The following SEMA6D variants were observed in gnomAD, a reference collection of about 807,000 sequenced individuals.
SEMA6D encodes the protein semaphorin 6D.
In SEMA6D, 35 loss-of-function variants were observed where a neutral mutation model predicts 106.6. That is an observed-to-expected ratio of 0.33 (90% CI 0.25 to 0.44). The LOEUF (loss-of-function observed/expected upper bound fraction) is 0.44, where lower values mean the gene tolerates loss of function less well. Among genes scored for constraint, SEMA6D ranks in the 20% least tolerant of loss-of-function variants. The probability of loss-of-function intolerance (pLI) is 1.00; values close to 1 mark genes in which losing one functional copy is unlikely to be tolerated. For synonymous variants in SEMA6D, 499 were observed against 487.7 expected, an observed-to-expected ratio of 1.02 and a Z score of -0.31; for missense variants, 1,185 against 1,345.9, an observed-to-expected ratio of 0.88 and a Z score of 1.87.
At chr15:47,318,104 A>G (rs1350715302) in intron 1 of SEMA6D, among the ~76,000 whole-genome samples, 1 of 146,574 alleles carries the variant, frequency 6.8e-6, no homozygotes, top group Non-Finnish European at 1.5e-5. Context: ...ACATCTTGAC[A>G]GTTGGCCCCT....
chr15:47,770,871 G>T lies in SEMA6D; in HGVS notation c.2308G>T (p.Ala770Ser). The T allele has an allele frequency of 6.2e-7, 1 of 1,613,610 alleles. No homozygotes were observed. Among genetic ancestry groups the T allele is most frequent in the African/African-American group, 1.3e-5 (1 of 74,862 alleles). The change falls in exon 19 of 19, where the codon GCT (alanine) becomes TCT (serine). Residue 770 changes from alanine (A) to serine (S), a missense_variant. By Grantham distance (99) the Ala-to-Ser change is moderately conservative (BLOSUM62 1). Around this residue, in one of 3 missense-constraint regions of SEMA6D, gnomAD observed 750 missense variants for 783.5 expected, o/e 0.96. Transcript: ENST00000536845. ...DHRGQPPELA[A>S]LPTPESTPVL... ...TCGAGGGCAACCTCCAGAGTTGGCT[G>T]CTCTTCCTACTCCTGAGTCTACACC...
chr15:47,385,045 ATT>A (rs374354563), intron 1 of SEMA6D, among the ~76,000 whole-genome samples: 38 of 94,298 alleles, frequency 4.0e-4, no homozygotes, highest in African/African-American at 5.1e-4. Flanking sequence ...CTGGACTGTA[ATT>A]TTTTTTTTTT....
In SEMA6D at chr15:47,348,712, C is replaced by G. The variant is rs1567016531; in HGVS notation, c.-238-63681C>G. ...ACACACACACACACACACACACACA[C>G]ACACACCACACACACAGAGAGAGAG... On this transcript the variant is annotated intron_variant, in intron 1 of 19. Transcript: ENST00000558014. 2.3e-3 allele frequency among the ~76,000 whole-genome samples: 201 copies of G among 86,462 alleles called. 2 individuals carry two copies. In the South Asian group the frequency reaches 0.04, roughly 17 times the overall value. The allele number at this position is 86,462 out of a possible 152,430, so 56.7% of individuals were successfully genotyped here. A position where few individuals can be genotyped will look rare whatever the true frequency, so the allele number is the denominator to read the frequency against.
chr15:47,278,492 A>C lies in SEMA6D; in HGVS notation c.-239+94074A>C, dbSNP rs200053848. Among the ~76,000 whole-genome samples, 752 of 151,850 alleles carry C rather than the reference A, an allele frequency of 5.0e-3. 21 individuals are homozygous for C. In the East Asian group the frequency reaches 0.081, roughly 16 times the overall value. On this transcript the variant is annotated intron_variant, in intron 1 of 19. Transcript: ENST00000558014. ...TTTTTCTTGTAAATTTGTTTGAGTT[A>C]TTTGTGGATTCTGGATATTAGCCCT...
chr15:47,265,844 A>G (rs1023491040), intron 1 of SEMA6D, among the ~76,000 whole-genome samples: 1 of 152,076 alleles, frequency 6.6e-6, no homozygotes. Context: ...CACAGTGTTA[A>G]TCCTCTGCTC....
intron 1 of SEMA6D, among the ~76,000 whole-genome samples, chr15:47,208,880 G>GGA (rs561370687): frequency 1.7e-3 from 258 of 152,230 alleles, no homozygotes; most frequent in African/African-American, 6.1e-3. Context: ...GATAACTAGA[G>GGA]TCCCTCATAC....
intron 1 of SEMA6D, among the ~76,000 whole-genome samples, chr15:47,299,850 A>C (rs1386971589): frequency 6.6e-6 from 1 of 152,224 alleles, no homozygotes; most frequent in East Asian, 1.9e-4. Flanking sequence ...ACTTGATGAA[A>C]AATTGCAGGC....
At chr15:47,720,084 C>A (rs975818920) in intron 1 of SEMA6D, among the ~76,000 whole-genome samples, 1 of 152,106 alleles carries the variant, frequency 6.6e-6, no homozygotes, top group Non-Finnish European at 1.5e-5. Context: ...GAATGTACTT[C>A]CAGAAAGACA....
intron 1 of SEMA6D, among the ~76,000 whole-genome samples, chr15:47,308,963 GCCAAGTCTCTTAACATCTT>G (rs2143013492): frequency 6.6e-6 from 1 of 152,262 alleles, no homozygotes; most frequent in South Asian, 2.1e-4. Flanking sequence ...ACACACAGCT[GCCAAGTCTCTTAACATCTT>G]CCAAGGTGAA....
intron 4 of SEMA6D, among the ~76,000 whole-genome samples, chr15:47,614,075 T>C (rs1011964297): frequency 6.6e-6 from 1 of 152,166 alleles, no homozygotes; most frequent in African/African-American, 2.4e-5. Context: ...CATTACAAAA[T>C]GTCAGCTACC....
intron 17 of SEMA6D, 62 bp from the exon 18 acceptor site, chr15:47,768,519 C>A: frequency 7.3e-7 from 1 of 1,364,346 alleles, no homozygotes; most frequent in Non-Finnish European, 9.9e-7. Flanking sequence ...AAAAATGCAA[C>A]AGACCAATCA....
At chr15:47,576,739 G>T (rs554552926) in intron 3 of SEMA6D, among the ~76,000 whole-genome samples, 39 of 152,256 alleles carry the variant, frequency 2.6e-4, no homozygotes, top group Non-Finnish European at 4.3e-4. Context: ...TCCAGGCCAG[G>T]TTTTCTCTGG....
chr15:47,269,522 CAA>C (rs1192975573), intron 1 of SEMA6D, among the ~76,000 whole-genome samples: 1 of 151,982 alleles, frequency 6.6e-6, no homozygotes, highest in African/African-American at 2.4e-5. Flanking sequence ...TACATTAATT[CAA>C]GAGGCTATTT....
At chr15:47,299,733 G>A (rs146932453) in intron 1 of SEMA6D, among the ~76,000 whole-genome samples, 1 of 152,242 alleles carries the variant, frequency 6.6e-6, no homozygotes, top group Non-Finnish European at 1.5e-5. Flanking sequence ...CCATCAAAAA[G>A]CTGTTTTTCC....
chr15:47,254,331 G>GTGTATATATATA (rs33925888), intron 1 of SEMA6D, among the ~76,000 whole-genome samples: 22 of 139,262 alleles, frequency 1.6e-4, no homozygotes, highest in African/African-American at 5.8e-4. Context: ...GTGTGTGTGT[G>GTGTATATATATA]TATATATATA....
chr15:47,624,574 T>C (rs1448010510), intron 4 of SEMA6D, among the ~76,000 whole-genome samples: 1 of 152,192 alleles, frequency 6.6e-6, no homozygotes, highest in African/African-American at 2.4e-5. Flanking sequence ...AAAGCTGAAA[T>C]GTAATATGGC....
intron 2 of SEMA6D, among the ~76,000 whole-genome samples, chr15:47,459,110 T>A (rs1164692582): frequency 6.6e-6 from 1 of 152,042 alleles, no homozygotes; most frequent in East Asian, 1.9e-4. Flanking sequence ...ACAGCCCCCA[T>A]CATTATGTTG....
At chr15:47,273,848 T>C (rs915661012) in intron 1 of SEMA6D, among the ~76,000 whole-genome samples, 1 of 152,174 alleles carries the variant, frequency 6.6e-6, no homozygotes, top group Non-Finnish European at 1.5e-5. Flanking sequence ...TTATTTAAAA[T>C]GTAATAATTG....
At chr15:47,664,635 T>C (rs997018959) in intron 4 of SEMA6D, among the ~76,000 whole-genome samples, 2 of 152,034 alleles carry the variant, frequency 1.3e-5, no homozygotes, top group African/African-American at 4.8e-5. Flanking sequence ...AAGGAATGAG[T>C]CCCTCCCTTG....
Sources: gnomAD v4.1 joint callset for allele counts (sites outside exome capture counted in the v4.1 genomes callset) on GRCh38, gnomAD v4.1.1 for gene constraint, gnomAD v4.1.1 regional missense constraint, MANE v1.5 for transcripts, NCBI Gene and HGNC (gene_info 2026-07-23, HGNC 2026-07-21) for gene names.